Variants in IQGAP1 observed in about 807,000 individuals in gnomAD.
IQGAP1 encodes ras GTPase-activating-like protein IQGAP1.
In IQGAP1, 66 loss-of-function variants were observed where a neutral mutation model predicts 215.6. That is an observed-to-expected ratio of 0.31 (90% CI 0.25 to 0.38). The LOEUF is 0.38. Among genes scored for constraint, IQGAP1 ranks in the 10% least tolerant of loss-of-function variants. The pLI is 1.00. For missense variants in IQGAP1, 1,712 were observed against 1,997.1 expected (o/e 0.86, Z 2.72); for synonymous variants, 772 against 728.7 (o/e 1.06, Z -0.96).
At chr15:90,423,092 TAGA>T (rs10580254) in intron 2 of IQGAP1, among the ~76,000 whole-genome samples, 24,364 of 151,996 alleles carry the variant, frequency 0.16, 2,669 homozygotes, top group East Asian at 0.46. Context: ...TGTGATTTAG[TAGA>T]AGAAGGGGAA....
intron 18 of IQGAP1, among the ~76,000 whole-genome samples, chr15:90,470,721 C>T: frequency 6.6e-6 from 1 of 152,114 alleles, no homozygotes. Context: ...TCCTGTCCAG[C>T]TTTTACTTAG....
chr15:90,492,441 A>AT, intron 34 of IQGAP1, 104 bp from the exon 35 acceptor site: 12 of 667,894 alleles, frequency 1.8e-5, no homozygotes, highest in East Asian at 6.8e-5. Flanking sequence ...AAAAAAAAAA[A>AT]GTAGGTAGTC....
Position 90,389,199 on chromosome 15 carries a change from G to A in IQGAP1, c.55+803G>A, listed in dbSNP as rs79302709. On this transcript the variant is annotated intron_variant, in intron 1 of 37. Transcript: ENST00000268182. ...TAAGATCAGGCCCTGTCTCCAAAGA[G>A]CGTTTTAATCAGAGAGTCAGGTGTG... Among the ~76,000 whole-genome samples the A allele has an allele frequency of 8.5e-3, 1,300 of 152,284 alleles. 36 individuals are homozygous for A. The East Asian group carries it at 0.11, about 13-fold the overall frequency.
intron 3 of IQGAP1, 68 bp from the exon 4 acceptor site, chr15:90,429,521 A>G: frequency 8.2e-7 from 1 of 1,217,762 alleles, no homozygotes. Flanking sequence ...AACTTTTGCG[A>G]AGAGAGTTTT....
In IQGAP1 at chr15:90,500,975, T is replaced by C. The variant is rs1596298098; in HGVS notation, c.*867T>C. 6.5e-6 allele frequency: 1 copy of C among 152,806 alleles called. No individual in the cohort carries two copies. Among genetic ancestry groups the C allele is most frequent in the East Asian group, 1.9e-4 (1 of 5,194 alleles). 9.5% of individuals were successfully genotyped at this position (152,806 alleles called of 1,614,324 possible). On this transcript the variant is annotated 3_prime_UTR_variant, in exon 38 of 38. Coordinates refer to ENST00000268182, the MANE Select transcript of IQGAP1 (RefSeq NM_003870.4). ...TCATTGTTTTTAAAACTGTTTTATA[T>C]CTTAAGAGTGCCTTATTAAAGTATA... is the stretch of plus-strand genomic sequence containing the variant.
chr15:90,443,947 C>T (rs1163325219), intron 9 of IQGAP1, among the ~76,000 whole-genome samples: 1 of 151,850 alleles, frequency 6.6e-6, no homozygotes, highest in Non-Finnish European at 1.5e-5. Context: ...TCTTGTAGTC[C>T]CAGCTACTTG....
chr15:90,448,933 A>T (rs773726698), intron 10 of IQGAP1, among the ~76,000 whole-genome samples, 197 bp downstream of exon 10: 1 of 152,142 alleles, frequency 6.6e-6, no homozygotes, highest in Non-Finnish European at 1.5e-5. Context: ...AGAGCTATGA[A>T]TCCTCTTTTA....
At chr15:90,485,494 C>T (rs1966114359) in intron 30 of IQGAP1, among the ~76,000 whole-genome samples, 1 of 152,078 alleles carries the variant, frequency 6.6e-6, no homozygotes, top group South Asian at 2.1e-4. Flanking sequence ...GGCTGGAGTG[C>T]AATGGCGCAA....
chr15:90,417,937 T>G (rs548392752), intron 2 of IQGAP1, among the ~76,000 whole-genome samples: 1 of 152,230 alleles, frequency 6.6e-6, no homozygotes, highest in Non-Finnish European at 1.5e-5. Context: ...ACATCCCTTG[T>G]AAGTTGGATT....
chr15:90,449,665 A>G (rs1405770758), intron 11 of IQGAP1, 22 bp downstream of exon 11: 3 of 1,585,672 alleles, frequency 1.9e-6, no homozygotes, highest in Non-Finnish European at 1.7e-6. Context: ...TTGAAATTGT[A>G]TGGGAGGAAA....
At chr15:90,411,945 C>T (rs2601200) in intron 2 of IQGAP1, among the ~76,000 whole-genome samples, 29,104 of 151,848 alleles carry the variant, frequency 0.19, 3,466 homozygotes, top group East Asian at 0.46. Flanking sequence ...CCCACAAAAT[C>T]CACCTGTTTT....
intron 28 of IQGAP1, chr15:90,482,632 T>A: frequency 1.6e-6 from 1 of 642,034 alleles, no homozygotes; most frequent in Non-Finnish European, 2.1e-6. Context: ...GATAACTCTT[T>A]CTTACTCAGC....
chr15:90,480,169 G>T (rs933837394), intron 26 of IQGAP1, among the ~76,000 whole-genome samples: 1 of 149,024 alleles, frequency 6.7e-6, no homozygotes, highest in Non-Finnish European at 1.5e-5. Flanking sequence ...CAGGAAGATC[G>T]CTTGAGCCCA....
chr15:90,439,266 C>T (rs1029397784), intron 5 of IQGAP1, 66 bp from the exon 6 acceptor site: 17 of 1,140,744 alleles, frequency 1.5e-5, no homozygotes, highest in East Asian at 4.8e-5. Context: ...TGCTGATTTT[C>T]GCCTTTTAAG....
intron 5 of IQGAP1, among the ~76,000 whole-genome samples, chr15:90,438,427 G>T (rs1335565718): frequency 1.3e-5 from 2 of 152,022 alleles, no homozygotes; most frequent in African/African-American, 4.8e-5. Context: ...GCCCTGTATT[G>T]TCCCTGCTTT....
intron 2 of IQGAP1, among the ~76,000 whole-genome samples, chr15:90,398,451 A>G (rs1406681723): frequency 6.6e-6 from 1 of 152,216 alleles, no homozygotes; most frequent in Non-Finnish European, 1.5e-5. Context: ...ATAATAAAGG[A>G]AAAGAAGGGA....
chr15:90,403,256 T>G (rs1235304515), intron 2 of IQGAP1, among the ~76,000 whole-genome samples: 1 of 152,198 alleles, frequency 6.6e-6, no homozygotes, highest in African/African-American at 2.4e-5. Flanking sequence ...AATGTGTTTC[T>G]TCCCTGAAGA....
At chr15:90,423,007 A>C (rs1020458265) in intron 2 of IQGAP1, among the ~76,000 whole-genome samples, 1 of 151,630 alleles carries the variant, frequency 6.6e-6, no homozygotes, top group Admixed American at 6.6e-5. Flanking sequence ...TTTTAGATAT[A>C]TATTATATTA....
At chr15:90,412,389 T>C (rs1964979414) in intron 2 of IQGAP1, among the ~76,000 whole-genome samples, 1 of 152,200 alleles carries the variant, frequency 6.6e-6, no homozygotes, top group Non-Finnish European at 1.5e-5. Context: ...TCTAGCCCTT[T>C]CTCCTACAAC....
Sources: allele counts gnomAD v4.1 joint callset (sites outside exome capture counted in the v4.1 genomes callset), GRCh38; gene constraint gnomAD v4.1.1; transcripts MANE v1.5; gene names NCBI Gene and HGNC (gene_info 2026-07-23, HGNC 2026-07-21).